The following KCNT2 variants were observed in gnomAD, a reference collection of about 807,000 sequenced individuals.
KCNT2 encodes potassium channel subfamily T member 2.
KCNT2 carries 67 observed loss-of-function variants against 153.8 expected under a neutral mutation model. That is an observed-to-expected ratio of 0.44 (90% confidence interval 0.36 to 0.53). The LOEUF is 0.53. Among genes scored for constraint, KCNT2 ranks in the 20% least tolerant of loss-of-function variants. KCNT2 has a pLI of 0.00. For missense variants in KCNT2, 975 were observed against 1,354.8 expected, an observed-to-expected ratio of 0.72 and a Z score of 4.40; for synonymous variants, 500 against 458.8, an observed-to-expected ratio of 1.09 and a Z score of -1.15.
rs148016095 is a variant in KCNT2, at chr1:196,424,436, T to G, written c.1122-1323A>C. 2.8e-3 allele frequency among the ~76,000 whole-genome samples: 425 copies of G among 152,086 alleles called. 2 individuals carry two copies. Among genetic ancestry groups the G allele is most frequent in the African/African-American group, 9.8e-3 (407 of 41,544 alleles). On this transcript the variant is annotated intron_variant, in intron 11 of 27. Transcript: ENST00000294725. Reference sequence around the variant, plus strand: ...TACAATGATCTAGATTACAGTAGTATCTAAGCATCTATTTCTCTAGCACAC... The same window carrying G: ...TACAATGATCTAGATTACAGTAGTAGCTAAGCATCTATTTCTCTAGCACAC...
chr1:196,253,653 C>CA (rs1656195351), intron 26 of KCNT2, among the ~76,000 whole-genome samples: 1 of 151,548 alleles, frequency 6.6e-6, no homozygotes, highest in African/African-American at 2.4e-5. Context: ...AAAGTCTGCA[C>CA]AATATTGTTT....
At chr1:196,589,439 T>G (rs886920314) in intron 1 of KCNT2, among the ~76,000 whole-genome samples, 1 of 152,104 alleles carries the variant, frequency 6.6e-6, no homozygotes, top group East Asian at 1.9e-4. Context: ...ATTTTTAAGA[T>G]AAAATAATAA....
At chr1:196,286,201 CA>C (rs1283018992) in intron 22 of KCNT2, among the ~76,000 whole-genome samples, 2 of 152,012 alleles carry the variant, frequency 1.3e-5, no homozygotes, top group African/African-American at 4.8e-5. Context: ...TGTGTCCCCT[CA>C]AAATTCATAC....
intron 1 of KCNT2, among the ~76,000 whole-genome samples, chr1:196,579,939 G>A (rs1661828826): frequency 6.6e-6 from 1 of 152,064 alleles, no homozygotes; most frequent in Non-Finnish European, 1.5e-5. Flanking sequence ...ATAGAAACAT[G>A]GAAAGATAAA....
At chr1:196,548,190 T>C (rs74513647) in intron 1 of KCNT2, among the ~76,000 whole-genome samples, 1,537 of 152,128 alleles carry the variant, frequency 0.01, 24 homozygotes, top group African/African-American at 0.036. Flanking sequence ...GGGAGATCTG[T>C]TTTTATAGTT....
chr1:196,261,027 G>A (rs1656972101), intron 25 of KCNT2, among the ~76,000 whole-genome samples: 1 of 151,764 alleles, frequency 6.6e-6, no homozygotes, highest in Non-Finnish European at 1.5e-5. Context: ...GAATGTGTGT[G>A]TGTGTTTGTG....
At chr1:196,305,166 A>G in intron 22 of KCNT2, 68 bp downstream of exon 22, 2 of 897,506 alleles carry the variant, frequency 2.2e-6, no homozygotes, top group Non-Finnish European at 3.6e-6. Flanking sequence ...TTTTTTTTAT[A>G]TATTTACAGA....
chr1:196,537,173 G>A, intron 1 of KCNT2, among the ~76,000 whole-genome samples: 1 of 152,126 alleles, frequency 6.6e-6, no homozygotes, highest in Non-Finnish European at 1.5e-5. Flanking sequence ...TTAATTCTAG[G>A]CAAGGGGAGC....
intron 5 of KCNT2, among the ~76,000 whole-genome samples, chr1:196,477,886 T>C (rs1678677292): frequency 6.6e-6 from 1 of 152,198 alleles, no homozygotes; most frequent in Admixed American, 6.5e-5. Context: ...TATCAGGTCT[T>C]AATAGTGAAA....
chr1:196,232,686 T>C (rs1654058811), intron 27 of KCNT2, among the ~76,000 whole-genome samples: 1 of 151,548 alleles, frequency 6.6e-6, no homozygotes, highest in South Asian at 2.1e-4. Context: ...TAAAAATATG[T>C]CTACTTTACC....
Position 196,452,488 on chromosome 1 carries a change from C to G in KCNT2, c.638+12805G>C, listed in dbSNP as rs76509549. Among the ~76,000 whole-genome samples the G allele has an allele frequency of 2.7e-3, 407 of 152,040 alleles. 1 individual carries two copies. The highest frequency in any genetic ancestry group is 9.6e-3 in the African/African-American group (399 of 41,520). ...AGTCTCCATTCATGTAGATGACTCCCTCAACAACCTGTGTACAGGCAATCT... is the reference window on the plus strand; with the variant it reads ...AGTCTCCATTCATGTAGATGACTCCGTCAACAACCTGTGTACAGGCAATCT... On this transcript the variant is annotated intron_variant, in intron 8 of 27. Transcript: ENST00000294725.
At chr1:196,500,594 A>T (rs1248433072) in intron 1 of KCNT2, among the ~76,000 whole-genome samples, 1 of 152,212 alleles carries the variant, frequency 6.6e-6, no homozygotes, top group African/African-American at 2.4e-5. Flanking sequence ...CCCTGTGATT[A>T]TTGACTCTAA....
chr1:196,544,273 T>C (rs1211686368), intron 1 of KCNT2, among the ~76,000 whole-genome samples: 1 of 151,976 alleles, frequency 6.6e-6, no homozygotes, highest in East Asian at 1.9e-4. Flanking sequence ...ACAGACTATA[T>C]AGCCACCATC....
Position 196,340,578 on chromosome 1 carries a change from T to C in KCNT2, c.1554-8A>G, listed in dbSNP as rs201387024. The C allele has an allele frequency of 1.2e-4, 173 of 1,471,194 alleles. No homozygotes were observed. Among genetic ancestry groups the C allele is most frequent in the Non-Finnish European group, 1.5e-4 (167 of 1,093,318 alleles). 91.1% of individuals were successfully genotyped at this position (1,471,194 alleles called of 1,614,324 possible). ...ATCAAGCAGACGCCAAACCTTAATT[T>C]AAAAAAAAAGAGAGTTTGTAAGAAA... is the stretch of plus-strand genomic sequence containing the variant. On this transcript the variant is annotated splice_region_variant and splice_polypyrimidine_tract_variant and intron_variant, in intron 15 of 27. Transcript: ENST00000294725.
chr1:196,522,408 G>A (rs1168227545), intron 1 of KCNT2, among the ~76,000 whole-genome samples: 1 of 152,176 alleles, frequency 6.6e-6, no homozygotes, highest in Non-Finnish European at 1.5e-5. Context: ...CCAAAATGAT[G>A]TTCTAATACA....
At chr1:196,327,943 G>A (rs1434029568) in intron 18 of KCNT2, among the ~76,000 whole-genome samples, 4 of 151,796 alleles carry the variant, frequency 2.6e-5, no homozygotes, top group Non-Finnish European at 5.9e-5. Flanking sequence ...GGACACCTCT[G>A]GAATATTCTT....
At chr1:196,368,675 T>A (rs950756067) in intron 14 of KCNT2, among the ~76,000 whole-genome samples, 6 of 152,182 alleles carry the variant, frequency 3.9e-5, no homozygotes, top group African/African-American at 1.4e-4. Context: ...TGTTATTTTA[T>A]TATGCTATAC....
intron 1 of KCNT2, among the ~76,000 whole-genome samples, chr1:196,534,221 T>G (rs563894820): frequency 6.6e-6 from 1 of 152,314 alleles, no homozygotes; most frequent in African/African-American, 2.4e-5. Context: ...TTGAATGCAT[T>G]TGAAAAATAA....
At chr1:196,296,307 C>T (rs1312335004) in intron 22 of KCNT2, among the ~76,000 whole-genome samples, 1 of 151,384 alleles carries the variant, frequency 6.6e-6, no homozygotes, top group Non-Finnish European at 1.5e-5. Context: ...GTCAAAGAAG[C>T]CAAAGAACAT....
Sources: allele counts gnomAD v4.1 joint callset (sites outside exome capture counted in the v4.1 genomes callset), GRCh38; gene constraint gnomAD v4.1.1; transcripts MANE v1.5; gene names NCBI Gene and HGNC (gene_info 2026-07-23, HGNC 2026-07-21).